The following DIAPH3 variants were observed in gnomAD, a reference collection of about 807,000 sequenced individuals.
The protein encoded by DIAPH3 is protein diaphanous homolog 3.
A neutral mutation model predicts 144.3 loss-of-function variants in DIAPH3; 117 were observed. That is an observed-to-expected ratio of 0.81 (90% CI 0.70 to 0.95). The LOEUF is 0.95. Among genes scored for constraint, DIAPH3 ranks in the 40% least tolerant of loss-of-function variants. The pLI, the probability that DIAPH3 is intolerant of heterozygous loss-of-function variation, is 0.00. For missense variants in DIAPH3, 1,421 were observed against 1,412.7 expected, an observed-to-expected ratio of 1.01 and a Z score of -0.09; for synonymous variants, 519 against 488.9, an observed-to-expected ratio of 1.06 and a Z score of -0.81.
Position 60,099,214 on chromosome 13 carries a change from TAAAAATTGAAATGCAG to T in DIAPH3, c.391-5498_391-5483del, listed in dbSNP as rs1293320638. ...TGGGGTTATGTCCCAAAAAAGCCATTAAAAATTGAAATGCAGAAATGCATTTAATACACCTAACCTA... is the reference window on the plus strand; with the variant it reads ...TGGGGTTATGTCCCAAAAAAGCCATTAAATGCATTTAATACACCTAACCTA... On this transcript the variant is annotated intron_variant, in intron 3 of 27. Coordinates refer to ENST00000400324, the MANE Select transcript of DIAPH3 (RefSeq NM_001042517.2). 2.6e-5 allele frequency among the ~76,000 whole-genome samples: 4 copies of T among 152,122 alleles called. No homozygotes were observed. The East Asian group carries it at 7.7e-4, about 29-fold the overall frequency.
At chr13:60,068,425 T>G in intron 4 of DIAPH3, among the ~76,000 whole-genome samples, 1 of 152,216 alleles carries the variant, frequency 6.6e-6, no homozygotes, top group East Asian at 1.9e-4. Context: ...TCTTTACAGA[T>G]GTACTTACTT....
intron 17 of DIAPH3, among the ~76,000 whole-genome samples, chr13:59,957,067 G>T (rs2049450529): frequency 6.6e-6 from 1 of 152,176 alleles, no homozygotes; most frequent in Non-Finnish European, 1.5e-5. Context: ...ATAGGTGGAA[G>T]GAACTTGCCT....
At chr13:59,689,111 T>C (rs769208026) in intron 27 of DIAPH3, among the ~76,000 whole-genome samples, 1 of 152,028 alleles carries the variant, frequency 6.6e-6, no homozygotes, top group Non-Finnish European at 1.5e-5. Context: ...AAGTTAAAGA[T>C]TGCAAGAATT....
chr13:60,160,322 G>T (rs998299490), intron 1 of DIAPH3, among the ~76,000 whole-genome samples: 1 of 152,190 alleles, frequency 6.6e-6, no homozygotes, highest in Non-Finnish European at 1.5e-5. Context: ...TGATGGAAAC[G>T]ATTAGACGAT....
At chr13:59,863,018 G>A (rs778137414) in intron 21 of DIAPH3, among the ~76,000 whole-genome samples, 13 of 152,092 alleles carry the variant, frequency 8.5e-5, no homozygotes, top group African/African-American at 1.4e-4. Context: ...ACATAAACAG[G>A]TATGTAGAAT....
At chr13:60,092,033 G>A (rs532278335) in intron 4 of DIAPH3, among the ~76,000 whole-genome samples, 2 of 151,810 alleles carry the variant, frequency 1.3e-5, no homozygotes, top group Non-Finnish European at 2.9e-5. Flanking sequence ...TTGAGACAAA[G>A]TCTCACTATG....
At chr13:59,970,124 A>T in intron 16 of DIAPH3, 66 bp from the exon 17 acceptor site, 1 of 816,786 alleles carries the variant, frequency 1.2e-6, no homozygotes, top group East Asian at 2.8e-5. Context: ...GTCAAGCACT[A>T]TGCATACACT....
chr13:59,908,523 A>G (rs926354117), intron 20 of DIAPH3, among the ~76,000 whole-genome samples: 1 of 152,064 alleles, frequency 6.6e-6, no homozygotes, highest in Non-Finnish European at 1.5e-5. Flanking sequence ...AATAACATAA[A>G]CATCAATATC....
At chr13:59,970,752 T>G (rs1384151512) in intron 16 of DIAPH3, 100 bp downstream of exon 16, 1 of 1,057,400 alleles carries the variant, frequency 9.5e-7, no homozygotes, top group East Asian at 2.7e-5. Flanking sequence ...AATTAAATTA[T>G]GTAGGCATAA....
intron 25 of DIAPH3, among the ~76,000 whole-genome samples, chr13:59,795,612 C>T (rs9538524): frequency 0.18 from 26,619 of 151,918 alleles, 2,942 homozygotes; most frequent in Non-Finnish European, 0.25. Flanking sequence ...CGCCACCATT[C>T]CAGGCTATTT....
chr13:59,841,022 C>T (rs2042312763), intron 22 of DIAPH3, among the ~76,000 whole-genome samples: 1 of 152,104 alleles, frequency 6.6e-6, no homozygotes, highest in Non-Finnish European at 1.5e-5. Context: ...TATACTCTTT[C>T]ATTTTTATGT....
At chr13:59,726,112 A>T (rs2035592782) in intron 27 of DIAPH3, among the ~76,000 whole-genome samples, 1 of 152,206 alleles carries the variant, frequency 6.6e-6, no homozygotes, top group African/African-American at 2.4e-5. Context: ...CAAGTATATT[A>T]TTCTAGAACT....
chr13:59,974,275 T>G, intron 15 of DIAPH3, 77 bp downstream of exon 15: 3 of 1,030,394 alleles, frequency 2.9e-6, no homozygotes, highest in Non-Finnish European at 4.5e-6. Flanking sequence ...AACATTTTGA[T>G]GCTATGAAGA....
At chr13:59,965,882 A>G (rs2050019815) in intron 17 of DIAPH3, among the ~76,000 whole-genome samples, 2 of 152,136 alleles carry the variant, frequency 1.3e-5, no homozygotes, top group African/African-American at 4.8e-5. Context: ...GCACCCAATA[A>G]ATAGTTATTG....
intron 25 of DIAPH3, among the ~76,000 whole-genome samples, chr13:59,784,095 T>C (rs933230111): frequency 6.6e-6 from 1 of 152,198 alleles, no homozygotes; most frequent in African/African-American, 2.4e-5. Context: ...TTTATTTATT[T>C]ATTTAGAGGC....
intron 17 of DIAPH3, among the ~76,000 whole-genome samples, chr13:59,936,419 A>C (rs1321037275): frequency 1.3e-5 from 2 of 152,184 alleles, no homozygotes; most frequent in Non-Finnish European, 2.9e-5. Context: ...TCATAACCAA[A>C]GATTTAACTA....
intron 20 of DIAPH3, among the ~76,000 whole-genome samples, chr13:59,896,900 T>C (rs2046133926): frequency 6.6e-6 from 1 of 152,204 alleles, no homozygotes; most frequent in Non-Finnish European, 1.5e-5. Context: ...GAAGTCACAA[T>C]AATTGATCAC....
At position 59,879,220 on chromosome 13, in the gene DIAPH3, C is replaced by A; in HGVS notation, c.2607+9G>T. 6.2e-7 allele frequency: 1 copy of A among 1,613,538 alleles called. No homozygotes were observed. The highest frequency in any genetic ancestry group is 8.5e-7 in the Non-Finnish European group (1 of 1,179,640). On this transcript the variant is annotated intron_variant, in intron 21 of 27. Coordinates refer to ENST00000400324, the MANE Select transcript of DIAPH3 (RefSeq NM_001042517.2). ...AGGCAAATATGTGTTTTTAAAAAAA[C>A]AAACTCACTTTACAGAGAGAGCTAA... is the stretch of plus-strand genomic sequence containing the variant.
intron 14 of DIAPH3, among the ~76,000 whole-genome samples, chr13:59,978,762 CAA>C (rs767491613): frequency 2.6e-5 from 4 of 151,510 alleles, no homozygotes; most frequent in Non-Finnish European, 4.4e-5. Context: ...TAGCCTTCTC[CAA>C]AAAGAGTTAC....
Sources: gnomAD v4.1 joint callset for allele counts (sites outside exome capture counted in the v4.1 genomes callset) on GRCh38, gnomAD v4.1.1 for gene constraint, MANE v1.5 for transcripts, NCBI Gene and HGNC (gene_info 2026-07-23, HGNC 2026-07-21) for gene names.